CELF2: variants seen among roughly 807,000 people sequenced by gnomAD.
The protein encoded by CELF2 is CUG triplet repeat RNA-binding protein 2.
Under a neutral mutation model 62.6 loss-of-function variants are expected in CELF2, and 8 were observed. The ratio of observed to expected loss-of-function variants is 0.13; its 90% CI spans 0.07 to 0.23. The LOEUF is 0.23. Ranked by LOEUF, CELF2 falls within the 10% of genes least tolerant of loss-of-function variation. The pLI, the probability that CELF2 is intolerant of heterozygous loss-of-function variation, is 1.00. For synonymous variants in CELF2, 258 were observed against 250.0 expected, an observed-to-expected ratio of 1.03 and a Z score of -0.30; for missense variants, 333 against 671.0, an observed-to-expected ratio of 0.50 and a Z score of 5.56.
intron 1 of CELF2, among the ~76,000 whole-genome samples, chr10:11,026,110 C>T (rs939694167): frequency 6.6e-6 from 1 of 152,198 alleles, no homozygotes; most frequent in African/African-American, 2.4e-5. Context: ...TGGGCCTCCA[C>T]GGATGTTTTC....
rs1363802675 is a variant in CELF2 at position 11,321,235 on chromosome 10, C to T, written c.1143C>T (p.Gly381=). 28 of 1,613,926 alleles carry T rather than the reference C, an allele frequency of 1.7e-5. No individual in the cohort carries two copies. The highest frequency in any genetic ancestry group is 1.6e-4 in the Middle Eastern group (1 of 6,084). ...TGGCGGCTCTGAATGGAGGACTTGG[C>T]GCCACAGGCTTGACGAATGGCACGG... The part of the protein sequence containing the change: ...SGMAALNGGL[G]ATGLTNGTAG... The change falls in exon 11 of 13, where the codon GGC becomes GGT. Residue 381 remains glycine, a synonymous_variant. Coordinates refer to ENST00000633077, the MANE Select transcript of CELF2 (RefSeq NM_001326342.2). This position sits in a 1 kb window ranked among gnomAD's most constrained non-coding sequence, Gnocchi z 6.2.
intron 1 of CELF2, among the ~76,000 whole-genome samples, chr10:11,162,852 C>T (rs2066036563): frequency 6.6e-6 from 1 of 152,118 alleles, no homozygotes. Context: ...TTGTATTAAG[C>T]ACATGAGTCT....
intron 1 of CELF2, among the ~76,000 whole-genome samples, chr10:11,124,598 A>G (rs2058350701): frequency 6.6e-6 from 1 of 152,198 alleles, no homozygotes; most frequent in African/African-American, 2.4e-5. Flanking sequence ...GTGAATGGGA[A>G]GTTCAGTAAG....
chr10:11,280,249 G>C lies in CELF2; in HGVS notation c.841+5129G>C, dbSNP rs969979938. Among the ~76,000 whole-genome samples, 6 of 152,180 alleles carry C rather than the reference G, an allele frequency of 3.9e-5. No individual in the cohort carries two copies. Among genetic ancestry groups the C allele is most frequent in the Non-Finnish European group, 7.3e-5 (5 of 68,032 alleles). On this transcript the variant is annotated intron_variant, in intron 8 of 12. Coordinates refer to ENST00000633077, the MANE Select transcript of CELF2 (RefSeq NM_001326342.2). This position sits in a 1 kb window ranked among gnomAD's most constrained non-coding sequence, Gnocchi z 7.6. The stretch of plus-strand genomic sequence containing the variant: ...AAGTGAAGCCCGCTGTTAGTTCTGG[G>C]GAGGAATAAGGGGAGTTGCAGGAGA...
the CELF2 span, among the ~76,000 whole-genome samples, chr10:10,785,462 G>A: frequency 1.3e-5 from 2 of 152,044 alleles, no homozygotes; most frequent in Non-Finnish European, 2.9e-5. Context: ...GCCAAGATAC[G>A]GAGTCAACCT....
chr10:11,249,040 G>A (rs1045205882), intron 3 of CELF2, 113 bp from the exon 4 acceptor site: 49 of 813,168 alleles, frequency 6.0e-5, no homozygotes, highest in Non-Finnish European at 9.5e-5. Flanking sequence ...GAGAAGTCTT[G>A]TTGTCACTTA....
chr10:10,977,328 A>T (rs1395125462), intron 2 of CELF2, among the ~76,000 whole-genome samples: 1 of 152,222 alleles, frequency 6.6e-6, no homozygotes, highest in Non-Finnish European at 1.5e-5. Context: ...CAGGTCCACG[A>T]TGTTTGCCAG....
At chr10:11,308,388 TGA>T (rs2094379919) in intron 9 of CELF2, among the ~76,000 whole-genome samples, 1 of 152,230 alleles carries the variant, frequency 6.6e-6, no homozygotes, top group Non-Finnish European at 1.5e-5. Flanking sequence ...TACATGTGTG[TGA>T]GTGTGCTTAA....
the CELF2 span, among the ~76,000 whole-genome samples, chr10:10,685,673 G>A: frequency 5.9e-5 from 9 of 152,148 alleles, no homozygotes; most frequent in Non-Finnish European, 1.0e-4. Context: ...ACCTTAATAT[G>A]AGGCTGATTT....
chr10:11,222,029 C>G (rs771907243), intron 3 of CELF2, among the ~76,000 whole-genome samples: 4 of 152,194 alleles, frequency 2.6e-5, no homozygotes, highest in Non-Finnish European at 5.9e-5. Context: ...GTGAATGGGC[C>G]CCTTCCTGGC....
intron 3 of CELF2, among the ~76,000 whole-genome samples, chr10:11,228,913 G>A (rs2067591804): frequency 6.6e-6 from 1 of 152,316 alleles, no homozygotes; most frequent in African/African-American, 2.4e-5. Context: ...AGGAAATCCT[G>A]TAGCTGATTT....
chr10:11,086,613 C>G (rs1319927703), intron 1 of CELF2, among the ~76,000 whole-genome samples: 1 of 71,376 alleles, frequency 1.4e-5, no homozygotes, highest in South Asian at 7.1e-4. Context: ...AAAAAAAACT[C>G]CCGACAGCAC....
rs538788081 is a variant in CELF2, at chr10:10,993,067, C to T, written c.89+73068C>T. Among the ~76,000 whole-genome samples the T allele has an allele frequency of 1.3e-5, 2 of 152,218 alleles. No individual in the cohort carries two copies. Among genetic ancestry groups the T allele is most frequent in the South Asian group, 4.2e-4 (2 of 4,808 alleles). On this transcript the variant is annotated intron_variant, in intron 2 of 13. Transcript: ENST00000636488. This position sits in a 1 kb window ranked among gnomAD's most constrained non-coding sequence, Gnocchi z 5.3. ...ATGCCTGGCCCAGAATTCAGAGAAA[C>T]TCAGGGCGGATGATCCAGGGCAGGG...
the CELF2 span, among the ~76,000 whole-genome samples, chr10:10,744,150 T>C: frequency 3.3e-5 from 5 of 152,312 alleles, no homozygotes; most frequent in East Asian, 7.7e-4. Context: ...AGCCCATGTA[T>C]ACGAGTGCCA....
At chr10:11,034,931 G>A (rs954270637) in intron 1 of CELF2, among the ~76,000 whole-genome samples, 4 of 152,160 alleles carry the variant, frequency 2.6e-5, no homozygotes, top group African/African-American at 9.7e-5. Context: ...CTGAGGCTCT[G>A]TTTTGTGCCC....
At chr10:10,820,722 C>A (rs1452223403) in intron 1 of CELF2, among the ~76,000 whole-genome samples, 6 of 152,128 alleles carry the variant, frequency 3.9e-5, no homozygotes, top group Non-Finnish European at 2.9e-5. Flanking sequence ...GATCAGAACA[C>A]CATATGGGAG....
At chr10:10,736,870 A>G in the CELF2 span, among the ~76,000 whole-genome samples, 1 of 152,150 alleles carries the variant, frequency 6.6e-6, no homozygotes, top group African/African-American at 2.4e-5. Context: ...GTACCCTGAC[A>G]TACGATTTCC....
rs573597211 is a variant in CELF2 at position 11,152,721 on chromosome 10, A to G, written c.75-12765A>G. 3.9e-5 allele frequency among the ~76,000 whole-genome samples: 6 copies of G among 152,348 alleles called. No homozygotes were observed. In the South Asian group the frequency reaches 1.0e-3, roughly 26 times the overall value. ...GAACTGTGCTGTAGTTCACAATTCC[A>G]TAGTCTCAACTTGTGTCTTCAGAAT... On this transcript the variant is annotated intron_variant, in intron 1 of 12. Transcript: ENST00000633077.
the CELF2 span, among the ~76,000 whole-genome samples, chr10:10,522,431 A>G: frequency 6.6e-6 from 1 of 152,162 alleles, no homozygotes; most frequent in African/African-American, 2.4e-5. Context: ...AATATACAAT[A>G]TTTTCCAAAT....
Sources: gnomAD v4.1 joint callset for allele counts (sites outside exome capture counted in the v4.1 genomes callset) on GRCh38, gnomAD v4.1.1 for gene constraint, Gnocchi (gnomAD v3.1) non-coding constraint, MANE v1.5 for transcripts, NCBI Gene and HGNC (gene_info 2026-07-23, HGNC 2026-07-21) for gene names.